The following MACF1 variants were observed in gnomAD, a reference collection of about 807,000 sequenced individuals.
MACF1 encodes microtubule actin crosslinking factor 1.
In MACF1, 193 loss-of-function variants were observed where a neutral mutation model predicts 854.8. The ratio of observed to expected loss-of-function variants is 0.23; its 90% CI spans 0.20 to 0.25. The LOEUF is 0.25. Ranked by LOEUF, MACF1 falls within the 10% of genes least tolerant of loss-of-function variation. The probability of loss-of-function intolerance (pLI) is 1.00; values close to 1 mark genes in which losing one functional copy is unlikely to be tolerated. For synonymous variants in MACF1, 3,185 were observed against 3,226.7 expected, an observed-to-expected ratio of 0.99 and a Z score of 0.44; for missense variants, 7,722 against 8,929.1, an observed-to-expected ratio of 0.86 and a Z score of 5.45.
chr1:39,439,383 C>G lies in MACF1; in HGVS notation c.18330C>G (p.Phe6110Leu), dbSNP rs953900400. ...FLDVLELAEK[F>L]WYDMAALLTT... ...ATGTCCTTGAATTAGCAGAGAAGTTCTGGTATGACATGGCAGCTCTCCTGA... is the reference window on the plus strand; with the variant it reads ...ATGTCCTTGAATTAGCAGAGAAGTTGTGGTATGACATGGCAGCTCTCCTGA... Residue 6110 changes from phenylalanine (F) to leucine (L), a missense_variant, in exon 72 of 101, where the codon TTC becomes TTG. Transcript: ENST00000564288. 6.2e-7 allele frequency: 1 copy of G among 1,613,964 alleles called. No homozygotes were observed. Among genetic ancestry groups the G allele is most frequent in the Non-Finnish European group, 8.5e-7 (1 of 1,179,996 alleles).
intron 2 of MACF1, among the ~76,000 whole-genome samples, chr1:39,149,641 T>C (rs1490017062): frequency 6.6e-6 from 1 of 152,190 alleles, no homozygotes; most frequent in African/African-American, 2.4e-5. Context: ...TAATTTCAGT[T>C]CTGTTTGCTG....
intron 44 of MACF1, among the ~76,000 whole-genome samples, chr1:39,356,970 A>G (rs1057295058): frequency 1.3e-5 from 2 of 152,212 alleles, no homozygotes; most frequent in African/African-American, 4.8e-5. Flanking sequence ...GTGTCAGTTC[A>G]GAGGGGATTA....
At chr1:39,295,632 G>A (rs947518398) in intron 19 of MACF1, among the ~76,000 whole-genome samples, 155 bp from the exon 20 acceptor site, 29 of 152,328 alleles carry the variant, frequency 1.9e-4, no homozygotes, top group African/African-American at 6.5e-4. Context: ...CCTCTTACTC[G>A]TGGGAAGCAT....
intron 2 of MACF1, among the ~76,000 whole-genome samples, chr1:39,165,824 C>A (rs986356939): frequency 6.6e-6 from 1 of 152,106 alleles, no homozygotes. Context: ...ATGGCAGGAA[C>A]CTTTTGGACT....
chr1:39,252,692 A>AT (rs752845883), intron 4 of MACF1, among the ~76,000 whole-genome samples: 12 of 152,218 alleles, frequency 7.9e-5, no homozygotes, highest in Non-Finnish European at 1.6e-4. Flanking sequence ...AGAATCTTCC[A>AT]TTTTATAGGC....
At chr1:39,222,693 TC>T (rs1252122833) in intron 1 of MACF1, among the ~76,000 whole-genome samples, 1 of 152,218 alleles carries the variant, frequency 6.6e-6, no homozygotes, top group East Asian at 1.9e-4. Context: ...CATGTTGTTC[TC>T]CACCACTAGA....
intron 38 of MACF1, among the ~76,000 whole-genome samples, chr1:39,339,321 A>C (rs1646886204): frequency 6.6e-6 from 1 of 152,204 alleles, no homozygotes; most frequent in South Asian, 2.1e-4. Context: ...AAACAACAAC[A>C]ACAAAAATAG....
In MACF1 at chr1:39,463,792, A is replaced by T. The variant is rs527255832; in HGVS notation, c.21753+106A>T. On this transcript the variant is annotated intron_variant, in intron 94 of 100. Coordinates refer to ENST00000564288, the MANE Select transcript of MACF1 (RefSeq NM_001394062.1). ...AGGCCCAGAGCCCATCGGACTTGAG[A>T]TGTGGTCACTCTCTGACCTCATCTC... 1.9e-5 allele frequency: 18 copies of T among 958,044 alleles called. No homozygotes were observed. The Admixed American group carries it at 1.9e-4, about 10-fold the overall frequency. The allele number at this position is 958,044 out of a possible 1,614,324, so 59.3% of individuals were successfully genotyped here. A position where few individuals can be genotyped will look rare whatever the true frequency, so the allele number is the denominator to read the frequency against.
intron 2 of MACF1, among the ~76,000 whole-genome samples, chr1:39,187,952 CCTTCCCTCCCCTCCT>C (rs1241802695): frequency 1.6e-5 from 2 of 126,966 alleles, no homozygotes; most frequent in African/African-American, 5.8e-5. Context: ...CCTTCCCTTC[CCTTCCCTCCCCTCCT>C]CTCCCCTCCT....
intron 96 of MACF1, 85 bp downstream of exon 96, chr1:39,468,817 G>A: frequency 1.6e-6 from 2 of 1,221,574 alleles, no homozygotes; most frequent in South Asian, 1.3e-5. Flanking sequence ...ATTGATGGTG[G>A]GGTCTGTCTG....
rs1217961606 is a variant in MACF1 at position 39,357,520 on chromosome 1, A to G, written c.11570A>G (p.Gln3857Arg). 3.1e-6 allele frequency: 5 copies of G among 1,614,040 alleles called. No individual in the cohort carries two copies. In the East Asian group the frequency reaches 1.1e-4, roughly 36 times the overall value. The part of the protein sequence containing the change: ...LQQKLGELKE[Q>R]YSTSLAQSEA... ...CAGAAGCTGGGAGAGCTAAAGGAAC[A>G]ATACTCTACTTCCCTGGCCCAATCA... is the stretch of plus-strand genomic sequence containing the variant. Residue 3857 changes from glutamine (Q) to arginine (R), a missense_variant, in exon 45 of 101, where the codon CAA (glutamine) becomes CGA (arginine). By Grantham distance (43) the Gln-to-Arg change is conservative. Around this residue, in one of 15 missense-constraint regions of MACF1, gnomAD observed 2,807 missense variants for 3,235.8 expected, o/e 0.87. Transcript: ENST00000564288.
chr1:39,347,313 T>G (rs1273893895), intron 41 of MACF1, 103 bp downstream of exon 41: 1 of 860,116 alleles, frequency 1.2e-6, no homozygotes, highest in African/African-American at 1.7e-5. Context: ...GGAGCCTGGG[T>G]TTACCAATTT....
chr1:39,150,462 A>G (rs1643556158), intron 2 of MACF1, among the ~76,000 whole-genome samples: 1 of 152,190 alleles, frequency 6.6e-6, no homozygotes, highest in African/African-American at 2.4e-5. Flanking sequence ...CCTAATACCT[A>G]CTAAATGTTA....
Position 39,460,819 on chromosome 1 carries a change from A to G in MACF1, c.21523+25A>G. 1.9e-6 allele frequency: 3 copies of G among 1,613,038 alleles called. No homozygotes were observed. The highest frequency in any genetic ancestry group is 1.1e-5 in the South Asian group (1 of 91,044). ...AGTGAGTCTAGTCATCATTCCAAAC[A>G]TGGGTCACACCTGGATTCCTTGCAC... On this transcript the variant is annotated intron_variant, in intron 92 of 100. Transcript: ENST00000564288. The surrounding 1 kb of genome is among the most constrained non-coding windows in gnomAD (Gnocchi z 4.1).
intron 15 of MACF1, among the ~76,000 whole-genome samples, chr1:39,290,908 C>T (rs1413858792): frequency 2.0e-5 from 3 of 151,762 alleles, no homozygotes. Flanking sequence ...CTCCTGACCT[C>T]AGGTGATCCG....
At chr1:39,435,879 C>T (rs1443938167) in intron 70 of MACF1, 118 bp downstream of exon 70, 1 of 818,748 alleles carries the variant, frequency 1.2e-6, no homozygotes, top group Non-Finnish European at 1.9e-6. Flanking sequence ...AATACGTGAT[C>T]GGTAGATAGA....
In MACF1 at chr1:39,334,099, A is replaced by G. The variant is rs751203078; in HGVS notation, c.7511A>G (p.Asp2504Gly). 1 of 1,614,186 alleles carries G rather than the reference A, an allele frequency of 6.2e-7. No homozygotes were observed. Among genetic ancestry groups the G allele is most frequent in the East Asian group, 2.2e-5 (1 of 44,886 alleles). ...AVRLLTKQVV[D>G]GGIIHHISGM... ...CGTTTGTTGACTAAGCAAGTGGTAG[A>G]TGGAGGTATCATTCACCATATATCT... Residue 2504 changes from aspartate (D) to glycine (G), a missense_variant, in exon 37 of 101, where the codon GAT (aspartate) becomes GGT (glycine). Asp to Gly is a moderately conservative substitution (Grantham distance 94). Coordinates refer to ENST00000564288, the MANE Select transcript of MACF1 (RefSeq NM_001394062.1).
chr1:39,361,038 T>G, intron 48 of MACF1, 37 bp downstream of exon 48: 1 of 1,540,506 alleles, frequency 6.5e-7, no homozygotes, highest in Non-Finnish European at 9.0e-7. Flanking sequence ...ATAGAGGGTA[T>G]GTTTGCTATG....
At chr1:39,312,637 C>T (rs897509052) in intron 26 of MACF1, among the ~76,000 whole-genome samples, 8 of 151,978 alleles carry the variant, frequency 5.3e-5, no homozygotes, top group Non-Finnish European at 1.5e-5. Flanking sequence ...CCAGCCTGGC[C>T]GACATGGCAA....
Sources: gnomAD v4.1 joint callset for allele counts (sites outside exome capture counted in the v4.1 genomes callset) on GRCh38, gnomAD v4.1.1 for gene constraint, gnomAD v4.1.1 regional missense constraint, Gnocchi (gnomAD v3.1) non-coding constraint, MANE v1.5 for transcripts, NCBI Gene and HGNC (gene_info 2026-07-23, HGNC 2026-07-21) for gene names.